The following ASTN1 variants were observed in gnomAD, a reference collection of about 807,000 sequenced individuals.
ASTN1 encodes astrotactin 1.
In ASTN1, 41 loss-of-function variants were observed where a neutral mutation model predicts 140.7. The ratio of observed to expected loss-of-function variants is 0.29; its 90% CI spans 0.23 to 0.38. The LOEUF is 0.38. Ranked by LOEUF, ASTN1 falls within the 10% of genes least tolerant of loss-of-function variation. The pLI is 1.00. For synonymous variants in ASTN1, 640 were observed against 652.2 expected (o/e 0.98, Z 0.29); for missense variants, 1,479 against 1,678.8 (o/e 0.88, Z 2.08).
intron 8 of ASTN1, among the ~76,000 whole-genome samples, chr1:176,986,520 G>C (rs1036866027): frequency 1.3e-5 from 2 of 152,120 alleles, no homozygotes; most frequent in African/African-American, 2.4e-5. Context: ...ATTTGGAAGT[G>C]GGGGGAAGGA....
At chr1:176,975,591 C>A (rs147455351) in intron 8 of ASTN1, among the ~76,000 whole-genome samples, 27 of 152,318 alleles carry the variant, frequency 1.8e-4, no homozygotes, top group Non-Finnish European at 3.2e-4. Flanking sequence ...TTACCTGTCC[C>A]CTTGCCTGTG....
rs564822167 is a variant in ASTN1, at chr1:176,981,997, A to G, written c.1524-16760T>C. On this transcript the variant is annotated intron_variant, in intron 8 of 22. Transcript: ENST00000361833. ...CAAATAAAAAAAGGCTTGCGAAGTC[A>G]ACAGGAGGTAACTAACTGGAAGGGG... Among the ~76,000 whole-genome samples, 13 of 152,334 alleles carry G rather than the reference A, an allele frequency of 8.5e-5. No individual in the cohort carries two copies. In the Middle Eastern group the frequency reaches 0.01, roughly 120 times the overall value.
At chr1:176,870,280 AG>A (rs929785321) in intron 21 of ASTN1, among the ~76,000 whole-genome samples, 1 of 152,226 alleles carries the variant, frequency 6.6e-6, no homozygotes, top group African/African-American at 2.4e-5. Flanking sequence ...CAGGTTCCTA[AG>A]CCACAACTTG....
intron 11 of ASTN1, among the ~76,000 whole-genome samples, chr1:176,953,668 G>A (rs935588187): frequency 2.0e-5 from 3 of 152,198 alleles, no homozygotes; most frequent in African/African-American, 7.2e-5. Context: ...TCCAGTAGAG[G>A]TGAAATGACA....
rs1394091210 is a variant in ASTN1 at position 176,884,460 on chromosome 1, G to C, written c.3105C>G (p.Ser1035Arg). ...VLRLSTVHEPSSTLVVLEWEH... is the reference protein window; with the variant it reads ...VLRLSTVHEPRSTLVVLEWEH... ...CCCACTCCAGGACCACAAGAGTGCT[G>C]CTGGGCTCGTGAACCGTGGAGAGTC... Residue 1035 changes from serine (S) to arginine (R), a missense_variant, in exon 19 of 23, where the codon AGC becomes AGG. By Grantham distance (110) the Ser-to-Arg change is moderately radical (BLOSUM62 -1). Coordinates refer to ENST00000361833, the MANE Select transcript of ASTN1 (RefSeq NM_004319.3). 3 of 1,613,752 alleles carry C rather than the reference G, an allele frequency of 1.9e-6. No individual in the cohort carries two copies. Among genetic ancestry groups the C allele is most frequent in the Non-Finnish European group, 2.5e-6 (3 of 1,179,764 alleles).
chr1:177,034,331 CAGAG>C (rs1460404457), intron 2 of ASTN1, among the ~76,000 whole-genome samples: 3 of 151,796 alleles, frequency 2.0e-5, no homozygotes, highest in Admixed American at 6.6e-5. Context: ...CACGAGGCAA[CAGAG>C]TCAGCTGCCA....
At chr1:177,096,514 T>C (rs940477060) in intron 1 of ASTN1, among the ~76,000 whole-genome samples, 1 of 152,186 alleles carries the variant, frequency 6.6e-6, no homozygotes. Flanking sequence ...ATAGTTTGGC[T>C]GTGTCCCTAC....
chr1:177,104,791 T>C (rs1179282319), intron 1 of ASTN1, among the ~76,000 whole-genome samples: 1 of 152,054 alleles, frequency 6.6e-6, no homozygotes, highest in East Asian at 1.9e-4. Flanking sequence ...GACCTTGGGG[T>C]CTAGACCGTT....
intron 1 of ASTN1, among the ~76,000 whole-genome samples, chr1:177,150,135 A>C (rs1439951039): frequency 6.6e-6 from 1 of 152,078 alleles, no homozygotes; most frequent in Non-Finnish European, 1.5e-5. Flanking sequence ...GATAGCCTCA[A>C]CTACAAGGCA....
chr1:176,965,877 C>T lies in ASTN1; in HGVS notation c.1524-640G>A, dbSNP rs139236043. Among the ~76,000 whole-genome samples the T allele has an allele frequency of 4.4e-3, 669 of 152,312 alleles. 6 individuals carry two copies. Among genetic ancestry groups the T allele is most frequent in the African/African-American group, 0.015 (639 of 41,576 alleles). On this transcript the variant is annotated intron_variant, in intron 8 of 22. Coordinates refer to ENST00000361833, the MANE Select transcript of ASTN1 (RefSeq NM_004319.3). ...CATCTTCAAACGTTTTAATGTCACTCACTCAAACAGAAACAATTGAAATCG... is the reference window on the plus strand; with the variant it reads ...CATCTTCAAACGTTTTAATGTCACTTACTCAAACAGAAACAATTGAAATCG...
chr1:177,100,825 G>A (rs1051267976), intron 1 of ASTN1, among the ~76,000 whole-genome samples: 3 of 152,156 alleles, frequency 2.0e-5, no homozygotes, highest in Non-Finnish European at 4.4e-5. Context: ...GGGCATGGTG[G>A]CTCGTGCCTG....
chr1:177,013,151 C>A (rs1675376772), intron 8 of ASTN1, among the ~76,000 whole-genome samples: 1 of 152,274 alleles, frequency 6.6e-6, no homozygotes, highest in Admixed American at 6.5e-5. Flanking sequence ...TATGTAGCTG[C>A]CCTTCTACAA....
Position 177,157,489 on chromosome 1 carries a change from A to G in ASTN1, c.283+6905T>C, listed in dbSNP as rs915663021. Among the ~76,000 whole-genome samples the G allele has an allele frequency of 7.2e-5, 11 of 152,078 alleles. No homozygotes were observed. In the Middle Eastern group the frequency reaches 0.017, roughly 235 times the overall value. On this transcript the variant is annotated intron_variant, in intron 1 of 22. Transcript: ENST00000361833. Reference sequence around the variant, plus strand: ...GCCACCATATCTAGCTAACTCTTGTATTTTTTGTAGAGATGGGGTTTTGTC... The same window carrying G: ...GCCACCATATCTAGCTAACTCTTGTGTTTTTTGTAGAGATGGGGTTTTGTC...
intron 21 of ASTN1, among the ~76,000 whole-genome samples, chr1:176,872,216 A>G (rs1668379771): frequency 6.6e-6 from 1 of 151,628 alleles, no homozygotes; most frequent in African/African-American, 2.4e-5. Context: ...TTTAAAAAAA[A>G]GCACAATGTT....
intron 2 of ASTN1, among the ~76,000 whole-genome samples, chr1:177,053,360 G>C (rs1226669905): frequency 6.6e-6 from 1 of 152,148 alleles, no homozygotes; most frequent in Admixed American, 6.5e-5. Context: ...GTAGCATAAG[G>C]CCTCTGTGAA....
Position 177,056,117 on chromosome 1 carries a change from T to C in ASTN1, c.471+4961A>G, listed in dbSNP as rs535318099. ...AACAGTAAGGGCAAGGATGAGGCTT[T>C]GGTAGAAAGTTGTTATGCAGCACTG... is the stretch of plus-strand genomic sequence containing the variant. On this transcript the variant is annotated intron_variant, in intron 2 of 22. Transcript: ENST00000361833. 3.3e-5 allele frequency among the ~76,000 whole-genome samples: 5 copies of C among 152,296 alleles called. No individual in the cohort carries two copies. The South Asian group carries it at 6.2e-4, about 19-fold the overall frequency.
chr1:177,106,939 G>A (rs1346652866), intron 1 of ASTN1, among the ~76,000 whole-genome samples: 1 of 152,222 alleles, frequency 6.6e-6, no homozygotes, highest in Non-Finnish European at 1.5e-5. Flanking sequence ...TGGTACACCT[G>A]AATCCTGGGA....
In ASTN1 at chr1:176,936,286, T is replaced by G. The variant is rs766119445; in HGVS notation, c.2462A>C (p.Asn821Thr). 6.2e-7 allele frequency: 1 copy of G among 1,613,894 alleles called. No homozygotes were observed. The highest frequency in any genetic ancestry group is 2.2e-5 in the East Asian group (1 of 44,880). ...CTCACCCTGAGAGATGGCCACTTGGTTGAGTTTGATGTGGTACATCACAGA... is the reference window on the plus strand; with the variant it reads ...CTCACCCTGAGAGATGGCCACTTGGGTGAGTTTGATGTGGTACATCACAGA... The part of the protein sequence containing the change: ...VRSVMYHIKL[N>T]QVAISQALSN... The change falls in exon 15 of 23, where the codon AAC becomes ACC. Residue 821 changes from asparagine to threonine, a missense_variant. By Grantham distance (65) the Asn-to-Thr change is moderately conservative. Transcript: ENST00000361833.
intron 1 of ASTN1, among the ~76,000 whole-genome samples, chr1:177,149,495 G>C (rs1426648390): frequency 1.1e-4 from 7 of 63,370 alleles, no homozygotes; most frequent in East Asian, 4.5e-4. Context: ...AATATATATA[G>C]TATATATATA....
Sources: allele counts gnomAD v4.1 joint callset (sites outside exome capture counted in the v4.1 genomes callset), GRCh38; gene constraint gnomAD v4.1.1; transcripts MANE v1.5; gene names NCBI Gene and HGNC (gene_info 2026-07-23, HGNC 2026-07-21).